RFT1: variants seen among roughly 807,000 people sequenced by gnomAD.
RFT1 encodes RFT1 glycolipid translocator homolog.
In RFT1, 43 loss-of-function variants were observed where a neutral mutation model predicts 62.2. That is an observed-to-expected ratio of 0.69 (90% CI 0.54 to 0.89). The LOEUF is 0.89. Among genes scored for constraint, RFT1 ranks in the 40% least tolerant of loss-of-function variants. The pLI is 0.00. For missense variants in RFT1, 605 were observed against 649.9 expected (o/e 0.93, Z 0.75); for synonymous variants, 262 against 264.6 (o/e 0.99, Z 0.10).
chr3:53,098,356 A>AGT (rs1701202034), intron 11 of RFT1, among the ~76,000 whole-genome samples: 2 of 106,944 alleles, frequency 1.9e-5, no homozygotes, highest in African/African-American at 1.2e-4. Flanking sequence ...TGTAGCAAAC[A>AGT]AAGTCCCCAA....
downstream of RFT1, among the ~76,000 whole-genome samples, chr3:53,084,113 C>G (rs1439288969): frequency 2.6e-5 from 4 of 152,212 alleles, no homozygotes; most frequent in African/African-American, 9.7e-5. Flanking sequence ...CCCTGCCGGG[C>G]TCTGGTGAGG....
At chr3:53,128,229 C>T (rs1488363068) in intron 1 of RFT1, among the ~76,000 whole-genome samples, 3 of 152,026 alleles carry the variant, frequency 2.0e-5, no homozygotes, top group African/African-American at 7.2e-5. Context: ...GCCCGGGAGG[C>T]GGATGTTGCA....
intron 10 of RFT1, 41 bp from the exon 11 acceptor site, chr3:53,099,527 GA>G: frequency 6.6e-7 from 1 of 1,504,792 alleles, no homozygotes; most frequent in Non-Finnish European, 9.2e-7. Flanking sequence ...AGCCCAATCA[GA>G]AGGCCCACAT....
intron 10 of RFT1, among the ~76,000 whole-genome samples, chr3:53,099,946 C>A (rs1575484756): frequency 6.6e-6 from 1 of 152,166 alleles, no homozygotes; most frequent in East Asian, 1.9e-4. Flanking sequence ...CATGATAGTG[C>A]CACTGCACTC....
At chr3:53,103,777 A>G in intron 10 of RFT1, 176 bp downstream of exon 10, 1 of 778,646 alleles carries the variant, frequency 1.3e-6, no homozygotes, top group South Asian at 1.6e-5. Context: ...CCCTGCCTAT[A>G]CCTTGAGTGT....
intron 6 of RFT1, among the ~76,000 whole-genome samples, chr3:53,112,970 T>C (rs979156485): frequency 2.0e-5 from 3 of 152,138 alleles, no homozygotes; most frequent in African/African-American, 7.2e-5. Context: ...CTCTATCTTG[T>C]AGGCACCCTG....
At chr3:53,114,282 T>C (rs149674237) in intron 6 of RFT1, among the ~76,000 whole-genome samples, 199 of 152,326 alleles carry the variant, frequency 1.3e-3, no homozygotes, top group Non-Finnish European at 1.8e-3. Context: ...CTGCTTGTCA[T>C]GAGGCTCTCG....
intron 11 of RFT1, among the ~76,000 whole-genome samples, chr3:53,096,168 C>T (rs1209787725): frequency 6.6e-6 from 1 of 152,120 alleles, no homozygotes; most frequent in Non-Finnish European, 1.5e-5. Context: ...TTGCTATCTG[C>T]CTCCCCACCG....
intron 11 of RFT1, among the ~76,000 whole-genome samples, chr3:53,094,351 G>GCGCACA (rs1295227195): frequency 3.3e-5 from 5 of 149,918 alleles, no homozygotes; most frequent in Admixed American, 2.7e-4. Context: ...AATACTACAC[G>GCGCACA]CACACACACA....
the RFT1 span, among the ~76,000 whole-genome samples, chr3:53,071,518 C>T: frequency 2.0e-5 from 3 of 152,152 alleles, no homozygotes; most frequent in South Asian, 2.1e-4. Flanking sequence ...TCACAGGGGC[C>T]GACCTGGGAC....
rs1701001628 is a variant in RFT1 at position 53,091,962 on chromosome 3, G to A, written c.1567C>T (p.Leu523=). ...LGTAFLTETK[L]IHFLRTQLGV... is the part of the protein sequence containing the mutation. ...AACTGAGTCCTGAGGAAATGGATCA[G>A]CTTGGTCTCTGTGAGGAATGCTGTC... Residue 523 remains leucine (L), a synonymous_variant, in exon 13 of 13, where the codon CTG becomes TTG. Transcript: ENST00000296292. The A allele has an allele frequency of 6.2e-7, 1 of 1,614,278 alleles. No individual in the cohort carries two copies. The highest frequency in any genetic ancestry group is 8.5e-7 in the Non-Finnish European group (1 of 1,180,052).
At chr3:53,074,559 C>T in the RFT1 span, among the ~76,000 whole-genome samples, 1 of 152,228 alleles carries the variant, frequency 6.6e-6, no homozygotes, top group Admixed American at 6.5e-5. Flanking sequence ...ACTTGAGCAG[C>T]CCTCTCTCCT....
chr3:53,113,718 C>T (rs1701715571), intron 6 of RFT1, among the ~76,000 whole-genome samples: 2 of 152,024 alleles, frequency 1.3e-5, no homozygotes, highest in African/African-American at 2.4e-5. Context: ...CATATTAAGA[C>T]TTTGAAATCC....
At chr3:53,124,627 C>G (rs889752441) in intron 2 of RFT1, among the ~76,000 whole-genome samples, 1 of 152,136 alleles carries the variant, frequency 6.6e-6, no homozygotes, top group Non-Finnish European at 1.5e-5. Flanking sequence ...AAAATCTGAG[C>G]CCCTAGGAGG....
At chr3:53,105,865 A>G in intron 8 of RFT1, 62 bp from the exon 9 acceptor site, 2 of 1,363,838 alleles carry the variant, frequency 1.5e-6, no homozygotes, top group Non-Finnish European at 2.0e-6. Flanking sequence ...TTTTTATAGC[A>G]CTATTAAAAT....
At chr3:53,067,694 G>A in the RFT1 span, among the ~76,000 whole-genome samples, 1 of 152,210 alleles carries the variant, frequency 6.6e-6, no homozygotes, top group Non-Finnish European at 1.5e-5. Context: ...GATAGGAGGA[G>A]TCTCTTGGGA....
rs1006541301 is a variant in RFT1 at position 53,092,271 on chromosome 3, G to T, written c.1458+98C>A. On this transcript the variant is annotated intron_variant, in intron 12 of 12. Transcript: ENST00000296292. Reference sequence around the variant, plus strand: ...ATGCTGCCCTAGAGGCCTGGGGAGGGGACAGGAGGAGGCAAAAACCTGGGA... The same window carrying T: ...ATGCTGCCCTAGAGGCCTGGGGAGGTGACAGGAGGAGGCAAAAACCTGGGA... 15 of 1,519,472 alleles carry T rather than the reference G, an allele frequency of 9.9e-6. No individual in the cohort carries two copies. In the South Asian group the frequency reaches 1.7e-4, roughly 17 times the overall value. 94.1% of individuals were successfully genotyped at this position (1,519,472 alleles called of 1,614,324 possible). A position where few individuals can be genotyped will look rare whatever the true frequency, so the allele number is the denominator to read the frequency against.
rs778263474 is a variant in RFT1 at position 53,104,056 on chromosome 3, G to C, written c.999C>G (p.Leu333=). ...TCAGGCCGGCCAGCAGGGCCAGCTT[G>C]AGCAGGGACTCCAAGACTGCAGCAG... ...AVAAAVLESL[L]KLALLAGLTI... is the part of the protein sequence containing the mutation. The change falls in exon 10 of 13, where the codon CTC becomes CTG. Residue 333 remains leucine (L), a synonymous_variant. Coordinates refer to ENST00000296292, the MANE Select transcript of RFT1 (RefSeq NM_052859.4). The C allele has an allele frequency of 1.2e-6, 2 of 1,614,190 alleles. No individual in the cohort carries two copies. Among genetic ancestry groups the C allele is most frequent in the East Asian group, 4.5e-5 (2 of 44,882 alleles).
intron 5 of RFT1, among the ~76,000 whole-genome samples, chr3:53,120,967 G>A (rs1701952990): frequency 6.6e-6 from 1 of 152,194 alleles, no homozygotes; most frequent in Non-Finnish European, 1.5e-5. Flanking sequence ...TGATGCCAGT[G>A]TCCTCTGTGA....
Sources: allele counts gnomAD v4.1 joint callset (sites outside exome capture counted in the v4.1 genomes callset), GRCh38; gene constraint gnomAD v4.1.1; transcripts MANE v1.5; gene names NCBI Gene and HGNC (gene_info 2026-07-23, HGNC 2026-07-21).